Variants in SULF2 observed in about 807,000 individuals in gnomAD.
SULF2 encodes extracellular sulfatase Sulf-2.
Under a neutral mutation model 107.7 loss-of-function variants are expected in SULF2, and 52 were observed. That is an observed-to-expected ratio of 0.48 (90% CI 0.39 to 0.61). The LOEUF is 0.61. SULF2 is among the 20% of genes least tolerant of loss of function. SULF2 has a pLI of 0.00. For synonymous variants in SULF2, 460 were observed against 464.3 expected (o/e 0.99, Z 0.12); for missense variants, 993 against 1,177.3 (o/e 0.84, Z 2.29).
chr20:47,774,128 T>G (rs1412379516), intron 1 of SULF2, among the ~76,000 whole-genome samples: 1 of 152,246 alleles, frequency 6.6e-6, no homozygotes, highest in African/African-American at 2.4e-5. Flanking sequence ...CCAAATCACC[T>G]GCTACATTTG....
intron 2 of SULF2, among the ~76,000 whole-genome samples, chr20:47,756,394 T>A (rs925388725): frequency 5.3e-5 from 8 of 152,224 alleles, no homozygotes; most frequent in African/African-American, 9.6e-5. Context: ...ACTATACTTG[T>A]GATCATTAAT....
chr20:47,771,364 T>C (rs531359468), intron 1 of SULF2, among the ~76,000 whole-genome samples: 3 of 151,756 alleles, frequency 2.0e-5, no homozygotes, highest in African/African-American at 4.8e-5. Flanking sequence ...CTCTCCTCCT[T>C]ATTCTAGATA....
chr20:47,694,611 G>GT lies in SULF2; in HGVS notation c.568-4317_568-4316insA. Among the ~76,000 whole-genome samples, 1 of 152,208 alleles carries GT rather than the reference G, an allele frequency of 6.6e-6. No individual in the cohort carries two copies. ...CAGCTGGGACCCCGAGGTGCAACCG[G>GT]CCCCCTCTGGCAAGCACCCTCTGAG... On this transcript the variant is annotated intron_variant, in intron 4 of 20. Coordinates refer to ENST00000688720, the MANE Select transcript of SULF2 (RefSeq NM_001387048.1). The surrounding 1 kb of genome is among the most constrained non-coding windows in gnomAD (Gnocchi z 4.4).
Position 47,663,092 on chromosome 20 carries a change from T to C in SULF2, c.2348A>G (p.Asp783Gly). ...TACCTGGTAGGGGTCTGTGTTGAGA[T>C]CAAAGTACTCTAGGAAGCCAGTTGC... ...EFATGFLEYF[D>G]LNTDPYQLMN... Residue 783 changes from aspartate (D) to glycine (G), a missense_variant, in exon 17 of 21, where the codon GAT becomes GGT. By Grantham distance (94) the Asp-to-Gly change is moderately conservative (BLOSUM62 -1). Around this residue, in one of 3 missense-constraint regions of SULF2, gnomAD observed 497 missense variants for 544.1 expected, o/e 0.91. Transcript: ENST00000688720. The C allele has an allele frequency of 1.2e-6, 2 of 1,614,066 alleles. No individual in the cohort carries two copies. The highest frequency in any genetic ancestry group is 1.7e-6 in the Non-Finnish European group (2 of 1,179,990).
At chr20:47,731,302 C>A (rs2146757939) in intron 3 of SULF2, among the ~76,000 whole-genome samples, 1 of 147,348 alleles carries the variant, frequency 6.8e-6, no homozygotes, top group Admixed American at 6.9e-5. Context: ...AAGCAATTCT[C>A]CTGTCTCAGC....
intron 13 of SULF2, among the ~76,000 whole-genome samples, 161 bp downstream of exon 13, chr20:47,665,696 G>A (rs985525980): frequency 8.5e-5 from 13 of 152,218 alleles, no homozygotes; most frequent in Admixed American, 3.9e-4. Context: ...GTCTCATGCT[G>A]GGACTGACAC....
chr20:47,745,695 A>AT (rs1162858117), intron 2 of SULF2, among the ~76,000 whole-genome samples: 3 of 150,658 alleles, frequency 2.0e-5, no homozygotes, highest in Admixed American at 6.6e-5. Context: ...TTCCCGGCTA[A>AT]TTTTTTTTAT....
At chr20:47,693,758 G>C (rs35873170) in intron 4 of SULF2, among the ~76,000 whole-genome samples, 2 of 152,206 alleles carry the variant, frequency 1.3e-5, no homozygotes, top group South Asian at 4.1e-4. Context: ...ACCTCCAGGG[G>C]AGGGCTCAGG....
intron 8 of SULF2, 149 bp from the exon 9 acceptor site, chr20:47,677,283 T>C (rs2087675450): frequency 2.5e-6 from 2 of 785,894 alleles, no homozygotes; most frequent in South Asian, 1.7e-5. Flanking sequence ...AGCTGGGCAC[T>C]AGAGCATTGC....
intron 3 of SULF2, among the ~76,000 whole-genome samples, chr20:47,711,340 C>G (rs1174265749): frequency 2.0e-5 from 3 of 152,200 alleles, no homozygotes; most frequent in Non-Finnish European, 4.4e-5. Context: ...GACTTTGTCC[C>G]CTGTGGTTGT....
Position 47,678,326 on chromosome 20 carries a change from A to G in SULF2, c.1193+350T>C, listed in dbSNP as rs2087715973. 1 of 181,772 alleles carries G rather than the reference A, an allele frequency of 5.5e-6. No homozygotes were observed. The highest frequency in any genetic ancestry group is 1.1e-5 in the Non-Finnish European group (1 of 87,168). 11.3% of individuals were successfully genotyped at this position (181,772 alleles called of 1,614,324 possible). A position where few individuals can be genotyped will look rare whatever the true frequency, so the allele number is the denominator to read the frequency against. Reference sequence around the variant, plus strand: ...CTCGCTGGGTTACTGTGAGGATCAAATTCCTAGATTTCCCTGCACAGTACT... The same window carrying G: ...CTCGCTGGGTTACTGTGAGGATCAAGTTCCTAGATTTCCCTGCACAGTACT... On this transcript the variant is annotated intron_variant, in intron 8 of 20. Coordinates refer to ENST00000688720, the MANE Select transcript of SULF2 (RefSeq NM_001387048.1). This position sits in a 1 kb window ranked among gnomAD's most constrained non-coding sequence, Gnocchi z 4.5.
At chr20:47,732,366 A>G (rs6094796) in intron 3 of SULF2, among the ~76,000 whole-genome samples, 25,200 of 152,232 alleles carry the variant, frequency 0.17, 2,416 homozygotes, top group East Asian at 0.3. Context: ...AGAAAGCAGC[A>G]GAGACTGGAT....
At chr20:47,710,310 A>T (rs1005009154) in intron 3 of SULF2, among the ~76,000 whole-genome samples, 1 of 150,044 alleles carries the variant, frequency 6.7e-6, no homozygotes, top group Non-Finnish European at 1.5e-5. Context: ...GGTGCTGGGA[A>T]TACACGCATG....
chr20:47,706,144 T>C (rs1004370245), intron 3 of SULF2, among the ~76,000 whole-genome samples: 1 of 152,026 alleles, frequency 6.6e-6, no homozygotes, highest in African/African-American at 2.4e-5. Context: ...GGTCCAACCC[T>C]CCAGCATCTC....
chr20:47,665,997 G>C, intron 12 of SULF2, 44 bp from the exon 13 acceptor site: 4 of 1,604,868 alleles, frequency 2.5e-6, no homozygotes, highest in Non-Finnish European at 3.4e-6. Flanking sequence ...GGTGGTGGAG[G>C]GGGAGCAGCC....
At chr20:47,662,515 A>G (rs1286764304) in intron 17 of SULF2, among the ~76,000 whole-genome samples, 1 of 152,226 alleles carries the variant, frequency 6.6e-6, no homozygotes, top group African/African-American at 2.4e-5. Context: ...ACAGTACAGG[A>G]AAGCTCTAGT....
At chr20:47,697,525 CCT>C (rs1163250722) in intron 4 of SULF2, among the ~76,000 whole-genome samples, 3 of 152,220 alleles carry the variant, frequency 2.0e-5, no homozygotes, top group Non-Finnish European at 4.4e-5. Context: ...CGGGCTCACC[CCT>C]GTTCCCTTGA....
At chr20:47,750,438 C>G (rs908167837) in intron 2 of SULF2, among the ~76,000 whole-genome samples, 6 of 152,220 alleles carry the variant, frequency 3.9e-5, no homozygotes, top group Non-Finnish European at 1.5e-5. Flanking sequence ...ATATGACCAG[C>G]ACTTACTACT....
chr20:47,671,711 ATGTG>A (rs1343258301), intron 11 of SULF2, among the ~76,000 whole-genome samples: 1 of 151,824 alleles, frequency 6.6e-6, no homozygotes, highest in African/African-American at 2.4e-5. Flanking sequence ...AGAACCTTGT[ATGTG>A]TGTTTCTTCC....
Sources: allele counts gnomAD v4.1 joint callset (sites outside exome capture counted in the v4.1 genomes callset), GRCh38; gene constraint gnomAD v4.1.1; regional missense constraint gnomAD v4.1.1; non-coding constraint Gnocchi (gnomAD v3.1); transcripts MANE v1.5; gene names NCBI Gene and HGNC (gene_info 2026-07-23, HGNC 2026-07-21).